PSD2: variants seen among roughly 807,000 people sequenced by gnomAD.
PSD2 encodes PH and SEC7 domain-containing protein 2.
Under a neutral mutation model 69.8 loss-of-function variants are expected in PSD2, and 38 were observed. The observed-to-expected ratio is 0.54, with a 90% CI of 0.42 to 0.71. The LOEUF (loss-of-function observed/expected upper bound fraction) is 0.71, where lower values mean the gene tolerates loss of function less well. Among genes scored for constraint, PSD2 ranks in the 30% least tolerant of loss-of-function variants. The probability of loss-of-function intolerance (pLI) is 0.00; values close to 1 mark genes in which losing one functional copy is unlikely to be tolerated. For missense variants in PSD2, 943 were observed against 1,014.5 expected (o/e 0.93, Z 0.96); for synonymous variants, 412 against 423.0 (o/e 0.97, Z 0.32).
Position 139,824,420 on chromosome 5 carries a change from G to A in PSD2, c.1269+1636G>A, listed in dbSNP as rs145184830. On this transcript the variant is annotated intron_variant, in intron 7 of 14. Transcript: ENST00000274710. The stretch of plus-strand genomic sequence containing the variant: ...TTTTTTTTTTTTTTTTTTTTGAGAC[G>A]GAGTCTCACTCTGTCGCCTAGGCTG... Among the ~76,000 whole-genome samples the A allele has an allele frequency of 8.7e-3, 1,093 of 126,278 alleles. 11 individuals are homozygous for A. Among genetic ancestry groups the A allele is most frequent in the African/African-American group, 0.034 (1,009 of 29,876 alleles). The allele number at this position is 126,278 out of a possible 152,430, so 82.8% of individuals were successfully genotyped here.
At chr5:139,817,045 C>A (rs960910710) in intron 4 of PSD2, among the ~76,000 whole-genome samples, 1 of 152,194 alleles carries the variant, frequency 6.6e-6, no homozygotes, top group Non-Finnish European at 1.5e-5. Context: ...CAGCAGGTAG[C>A]GCATTCCAAA....
intron 4 of PSD2, among the ~76,000 whole-genome samples, chr5:139,817,128 A>T (rs1443254595): frequency 6.6e-6 from 1 of 152,022 alleles, no homozygotes; most frequent in Non-Finnish European, 1.5e-5. Context: ...CGGCCTCATC[A>T]CTTGCTGCCC....
rs752781180 is a variant in PSD2, at chr5:139,814,140, G to A, written c.822-30G>A. 11 of 1,605,250 alleles carry A rather than the reference G, an allele frequency of 6.9e-6. No homozygotes were observed. The highest frequency in any genetic ancestry group is 4.0e-5 in the African/African-American group (3 of 74,440). On this transcript the variant is annotated intron_variant, in intron 3 of 14. Coordinates refer to ENST00000274710, the MANE Select transcript of PSD2 (RefSeq NM_032289.4). This position sits in a 1 kb window ranked among gnomAD's most constrained non-coding sequence, Gnocchi z 4.4. ...GGGCCTTTGACCCTGGGCCTCTGAC[G>A]CTACTCTTCCACCCACCTTCCATCT...
At chr5:139,823,479 T>A (rs1470486019) in intron 7 of PSD2, among the ~76,000 whole-genome samples, 2 of 152,264 alleles carry the variant, frequency 1.3e-5, no homozygotes, top group Non-Finnish European at 1.5e-5. Flanking sequence ...TCTCAGTGAC[T>A]CATGGGGACA....
intron 7 of PSD2, among the ~76,000 whole-genome samples, chr5:139,827,688 A>G (rs1301926351): frequency 6.6e-6 from 1 of 152,212 alleles, no homozygotes; most frequent in Non-Finnish European, 1.5e-5. Flanking sequence ...GAAACTTACA[A>G]TCATGGCGGA....
the PSD2 span, among the ~76,000 whole-genome samples, chr5:139,786,107 G>C: frequency 6.6e-6 from 1 of 151,852 alleles, no homozygotes; most frequent in African/African-American, 2.4e-5. Flanking sequence ...TAAATAGCCT[G>C]GGCGCTGTGG....
chr5:139,759,976 TCACATGG>T, the PSD2 span, among the ~76,000 whole-genome samples: 1 of 152,192 alleles, frequency 6.6e-6, no homozygotes, highest in Non-Finnish European at 1.5e-5. Flanking sequence ...TTGCCCAAGG[TCACATGG>T]CAAGTTTGGG....
At chr5:139,817,690 G>A in intron 5 of PSD2, 129 bp downstream of exon 5, 3 of 758,928 alleles carry the variant, frequency 4.0e-6, no homozygotes, top group Non-Finnish European at 6.6e-6. Context: ...GAGGCTGTGG[G>A]GAAGGGGCCA....
At chr5:139,778,348 A>G in the PSD2 span, among the ~76,000 whole-genome samples, 1 of 152,214 alleles carries the variant, frequency 6.6e-6, no homozygotes, top group Non-Finnish European at 1.5e-5. Context: ...TGAGTAGCCC[A>G]TGTCATGGGA....
At chr5:139,768,097 G>A in the PSD2 span, among the ~76,000 whole-genome samples, 1 of 152,278 alleles carries the variant, frequency 6.6e-6, no homozygotes, top group Non-Finnish European at 1.5e-5. Flanking sequence ...GTTGATGGAG[G>A]TAGCACGTGT....
the PSD2 span, among the ~76,000 whole-genome samples, chr5:139,762,333 A>G: frequency 3.5e-5 from 5 of 143,390 alleles, no homozygotes; most frequent in Admixed American, 3.5e-4. Context: ...ATGAACCACC[A>G]CGCCCAGTCC....
chr5:139,838,212 C>T (rs749611707), intron 12 of PSD2, among the ~76,000 whole-genome samples: 1 of 152,190 alleles, frequency 6.6e-6, no homozygotes, highest in Non-Finnish European at 1.5e-5. Context: ...GTCACATGAG[C>T]TTGCAAGGAG....
the PSD2 span, among the ~76,000 whole-genome samples, chr5:139,753,915 CA>C: frequency 6.6e-6 from 1 of 152,166 alleles, no homozygotes; most frequent in South Asian, 2.1e-4. Context: ...TGGCTCACCG[CA>C]AACTCCGCCT....
At chr5:139,822,941 A>T (rs1235551039) in intron 7 of PSD2, among the ~76,000 whole-genome samples, 157 bp downstream of exon 7, 1 of 151,998 alleles carries the variant, frequency 6.6e-6, no homozygotes, top group Non-Finnish European at 1.5e-5. Flanking sequence ...GCCCCGCCCT[A>T]GTTTCATCCA....
the PSD2 span, among the ~76,000 whole-genome samples, chr5:139,752,915 C>A: frequency 6.6e-6 from 1 of 151,990 alleles, no homozygotes; most frequent in Non-Finnish European, 1.5e-5. Flanking sequence ...ACAACCCTGG[C>A]CAGTCTTTGA....
chr5:139,776,214 C>T, the PSD2 span, among the ~76,000 whole-genome samples: 2 of 152,254 alleles, frequency 1.3e-5, no homozygotes, highest in Non-Finnish European at 2.9e-5. Context: ...TTCTGGGACC[C>T]CTGCCACCTC....
chr5:139,838,607 C>G (rs963706309), intron 12 of PSD2, 21 bp from the exon 13 acceptor site: 1 of 1,605,228 alleles, frequency 6.2e-7, no homozygotes, highest in African/African-American at 1.3e-5. Context: ...GGCCGGCACC[C>G]TCTCCCCCTC....
chr5:139,814,194 G>A lies in PSD2; in HGVS notation c.846G>A (p.Leu282=), dbSNP rs769316953. The part of the protein sequence containing the change: ...SASDPSLKDG[L]SDSDSELSSS... ...GTGACCCCAGCCTGAAGGATGGCCT[G>A]TCAGACTCAGACTCTGAGCTCAGCA... is the stretch of plus-strand genomic sequence containing the variant. The change falls in exon 4 of 15, where the codon CTG becomes CTA. Residue 282 remains leucine, a synonymous_variant. Transcript: ENST00000274710. The surrounding 1 kb of genome is among the most constrained non-coding windows in gnomAD (Gnocchi z 4.4). The A allele has an allele frequency of 6.2e-7, 1 of 1,613,622 alleles. No individual in the cohort carries two copies. The highest frequency in any genetic ancestry group is 1.3e-5 in the African/African-American group (1 of 74,908).
In PSD2 at chr5:139,814,425, G is replaced by A; in HGVS notation, c.1016+61G>A. The A allele has an allele frequency of 6.8e-7, 1 of 1,466,720 alleles. No homozygotes were observed. The highest frequency in any genetic ancestry group is 9.1e-7 in the Non-Finnish European group (1 of 1,100,630). 90.9% of individuals were successfully genotyped at this position (1,466,720 alleles called of 1,614,324 possible). A position where few individuals can be genotyped will look rare whatever the true frequency, so the allele number is the denominator to read the frequency against. On this transcript the variant is annotated intron_variant, in intron 4 of 14. Transcript: ENST00000274710. The surrounding 1 kb of genome is among the most constrained non-coding windows in gnomAD (Gnocchi z 4.4). ...AACCTCGTGTCTTCCTCAACCTGAAGAGGGTGTGGGTGACCTTCTTCAGGG... is the reference window on the plus strand; with the variant it reads ...AACCTCGTGTCTTCCTCAACCTGAAAAGGGTGTGGGTGACCTTCTTCAGGG...
Sources: gnomAD v4.1 joint callset for allele counts (sites outside exome capture counted in the v4.1 genomes callset) on GRCh38, gnomAD v4.1.1 for gene constraint, Gnocchi (gnomAD v3.1) non-coding constraint, MANE v1.5 for transcripts, NCBI Gene and HGNC (gene_info 2026-07-23, HGNC 2026-07-21) for gene names.